GLIS3: variants seen among roughly 807,000 people sequenced by gnomAD.
GLIS3 encodes the protein zinc finger protein GLIS3.
Under a neutral mutation model 78.6 loss-of-function variants are expected in GLIS3, and 53 were observed. The observed-to-expected ratio is 0.67, with a 90% CI of 0.54 to 0.85. The LOEUF is 0.85. GLIS3 is among the 40% of genes least tolerant of loss of function. GLIS3 has a pLI of 0.00. For missense variants in GLIS3, 1,703 were observed against 1,231.1 expected (o/e 1.38, Z -5.74); for synonymous variants, 684 against 509.9 (o/e 1.34, Z -4.60).
intron 9 of GLIS3, among the ~76,000 whole-genome samples, chr9:3,846,361 G>T (rs530923755): frequency 6.6e-6 from 1 of 152,256 alleles, no homozygotes; most frequent in African/African-American, 2.4e-5. Context: ...TTAGGGCATG[G>T]TACTTAAGCT....
the GLIS3 span, among the ~76,000 whole-genome samples, chr9:4,457,604 T>G: frequency 5.3e-5 from 8 of 151,948 alleles, no homozygotes; most frequent in African/African-American, 1.9e-4. Flanking sequence ...TCTCAGCACT[T>G]TGGGGGACTG....
At chr9:4,051,525 C>A (rs1436826148) in intron 4 of GLIS3, among the ~76,000 whole-genome samples, 1 of 151,966 alleles carries the variant, frequency 6.6e-6, no homozygotes, top group Non-Finnish European at 1.5e-5. Flanking sequence ...ATCAGAGGAA[C>A]TGAAAGAAAA....
intron 2 of GLIS3, among the ~76,000 whole-genome samples, chr9:4,181,389 T>A (rs1174599471): frequency 6.6e-6 from 1 of 152,230 alleles, no homozygotes; most frequent in Non-Finnish European, 1.5e-5. Context: ...TCTGCTTCCC[T>A]GCTGGTAACA....
At chr9:4,269,359 C>A (rs1034241805) in intron 2 of GLIS3, among the ~76,000 whole-genome samples, 10 of 147,150 alleles carry the variant, frequency 6.8e-5, no homozygotes, top group Non-Finnish European at 1.2e-4. Context: ...GCGCTTAAAA[C>A]CTATGTCCAC....
intron 3 of GLIS3, among the ~76,000 whole-genome samples, chr9:4,119,142 T>C (rs1446045661): frequency 6.6e-6 from 1 of 152,224 alleles, no homozygotes; most frequent in African/African-American, 2.4e-5. Context: ...ATAAATAATC[T>C]TAATACTTGA....
chr9:4,162,762 C>T (rs904951612), intron 2 of GLIS3, among the ~76,000 whole-genome samples: 1 of 147,194 alleles, frequency 6.8e-6, no homozygotes, highest in Non-Finnish European at 1.5e-5. Context: ...GAGGCTGAGG[C>T]AGAAGAATGG....
At chr9:4,195,654 C>G (rs73398422) in intron 2 of GLIS3, among the ~76,000 whole-genome samples, 1 of 152,262 alleles carries the variant, frequency 6.6e-6, no homozygotes, top group Non-Finnish European at 1.5e-5. Context: ...TCCCATCGAC[C>G]GCCCAAGGGC....
At chr9:4,460,140 C>T in the GLIS3 span, among the ~76,000 whole-genome samples, 10 of 151,908 alleles carry the variant, frequency 6.6e-5, no homozygotes, top group Admixed American at 6.6e-5. Context: ...TTTGGTGGCT[C>T]GGTGGTGGAC....
chr9:3,893,777 T>C (rs1280678950), intron 7 of GLIS3, among the ~76,000 whole-genome samples: 1 of 152,206 alleles, frequency 6.6e-6, no homozygotes, highest in East Asian at 1.9e-4. Context: ...ATTCAGATTC[T>C]TGGGACTCAC....
chr9:4,231,482 T>G (rs1406030312), intron 2 of GLIS3, among the ~76,000 whole-genome samples: 1 of 152,160 alleles, frequency 6.6e-6, no homozygotes, highest in Non-Finnish European at 1.5e-5. Context: ...ATACAATATT[T>G]GGAGAGATCT....
intron 4 of GLIS3, among the ~76,000 whole-genome samples, chr9:4,112,304 CT>C (rs1191955445): frequency 2.0e-5 from 3 of 152,164 alleles, no homozygotes; most frequent in African/African-American, 4.8e-5. Flanking sequence ...GAACATTAAA[CT>C]ACCCTAATCA....
chr9:4,112,393 T>G (rs1318251515), intron 4 of GLIS3, among the ~76,000 whole-genome samples: 1 of 152,218 alleles, frequency 6.6e-6, no homozygotes, highest in Non-Finnish European at 1.5e-5. Flanking sequence ...TACTAAACAC[T>G]ACATCCCTGC....
chr9:4,339,015 G>A (rs796261653), intron 2 of GLIS3, among the ~76,000 whole-genome samples: 75 of 152,278 alleles, frequency 4.9e-4, no homozygotes, highest in African/African-American at 1.5e-3. Context: ...GTTGAAAAGC[G>A]GCATTTCAAG....
chr9:3,890,563 CTT>C (rs1563817248), intron 7 of GLIS3, among the ~76,000 whole-genome samples: 1 of 152,060 alleles, frequency 6.6e-6, no homozygotes, highest in Non-Finnish European at 1.5e-5. Context: ...GTACTAAACT[CTT>C]TTATGTTATC....
intron 2 of GLIS3, among the ~76,000 whole-genome samples, chr9:4,254,091 G>A (rs775467209): frequency 5.9e-5 from 9 of 152,076 alleles, no homozygotes; most frequent in African/African-American, 2.2e-4. Context: ...AATGATGACT[G>A]GTTAACCAGA....
At chr9:4,219,702 C>CT (rs1253480590) in intron 2 of GLIS3, among the ~76,000 whole-genome samples, 1 of 152,100 alleles carries the variant, frequency 6.6e-6, no homozygotes, top group Non-Finnish European at 1.5e-5. Flanking sequence ...ACATGAATAC[C>CT]TTTTTTTAAA....
intron 2 of GLIS3, among the ~76,000 whole-genome samples, chr9:4,344,404 C>G (rs139739795): frequency 6.6e-6 from 1 of 152,338 alleles, no homozygotes; most frequent in East Asian, 1.9e-4. Context: ...GTGTTTTCTC[C>G]TTGAAATATT....
At chr9:3,993,202 A>T (rs1484036345) in intron 4 of GLIS3, among the ~76,000 whole-genome samples, 2 of 152,148 alleles carry the variant, frequency 1.3e-5, no homozygotes, top group Admixed American at 1.3e-4. Context: ...CCCACTGACA[A>T]CATACCTGAC....
At chr9:4,458,407 G>A in the GLIS3 span, among the ~76,000 whole-genome samples, 1 of 152,072 alleles carries the variant, frequency 6.6e-6, no homozygotes, top group South Asian at 2.1e-4. Flanking sequence ...AGTGGTAATT[G>A]CTATGGAAAA....
Sources: gnomAD v4.1 joint callset for allele counts (sites outside exome capture counted in the v4.1 genomes callset) on GRCh38, gnomAD v4.1.1 for gene constraint, MANE v1.5 for transcripts, NCBI Gene and HGNC (gene_info 2026-07-23, HGNC 2026-07-21) for gene names.